The following NKAIN4 variants were observed in gnomAD, a reference collection of about 807,000 sequenced individuals.
The protein encoded by NKAIN4 is sodium/potassium transporting ATPase interacting 4.
A neutral mutation model predicts 28.8 loss-of-function variants in NKAIN4; 28 were observed. The observed-to-expected ratio is 0.97, with a 90% CI of 0.72 to 1.33. The LOEUF (loss-of-function observed/expected upper bound fraction) is 1.33. Among genes scored for constraint, NKAIN4 ranks in the 40% most tolerant of loss-of-function variants. The pLI, the probability that NKAIN4 is intolerant of heterozygous loss-of-function variation, is 0.00. For synonymous variants in NKAIN4, 122 were observed against 115.6 expected, an observed-to-expected ratio of 1.06 and a Z score of -0.36; for missense variants, 289 against 277.2, an observed-to-expected ratio of 1.04 and a Z score of -0.30.
chr20:63,241,977 GC>G (rs1157823181), intron 6 of NKAIN4, among the ~76,000 whole-genome samples: 3 of 152,254 alleles, frequency 2.0e-5, no homozygotes, highest in Admixed American at 6.5e-5. Context: ...GGCCTGGGCA[GC>G]CCAGGGGCGG....
intron 1 of NKAIN4, among the ~76,000 whole-genome samples, chr20:63,251,121 G>A (rs1415155056): frequency 6.6e-6 from 1 of 152,086 alleles, no homozygotes; most frequent in Non-Finnish European, 1.5e-5. Flanking sequence ...CATGTCCACT[G>A]GCCAGGGGGC....
chr20:63,247,287 C>G (rs2066876569), intron 4 of NKAIN4: 1 of 1,351,328 alleles, frequency 7.4e-7, no homozygotes, highest in Admixed American at 2.8e-5. Flanking sequence ...GGTGTCTCGG[C>G]CTGATCCGAT....
chr20:63,254,513 CGCT>C, upstream of NKAIN4: 1 of 1,170,852 alleles, frequency 8.5e-7, no homozygotes, highest in South Asian at 2.9e-5. Context: ...CCGCTCCGCC[CGCT>C]CCCCACGCGC....
chr20:63,254,144 C>G (rs1289204011), intron 1 of NKAIN4: 4 of 430,678 alleles, frequency 9.3e-6, no homozygotes, highest in Non-Finnish European at 1.7e-5. Flanking sequence ...CCGCACCTGT[C>G]CCCGCCGCTC....
chr20:63,253,358 T>G, intron 1 of NKAIN4: 5 of 985,364 alleles, frequency 5.1e-6, no homozygotes, highest in Non-Finnish European at 4.8e-6. Context: ...AAGGACACGA[T>G]GCCTCCGCCG....
Position 63,241,729 on chromosome 20 carries a change from C to T in NKAIN4, c.618-223G>A, listed in dbSNP as rs1415649322. On this transcript the variant is annotated intron_variant, in intron 6 of 6. Coordinates refer to ENST00000370316, the MANE Select transcript of NKAIN4 (RefSeq NM_152864.4). ...GCGTCTTGTGCCTGTTTGCTGACATCTCAGTGGGGTCTGGCCTGTGGGGCT... is the reference window on the plus strand; with the variant it reads ...GCGTCTTGTGCCTGTTTGCTGACATTTCAGTGGGGTCTGGCCTGTGGGGCT... The T allele has an allele frequency of 1.0e-5, 7 of 687,438 alleles. No individual in the cohort carries two copies. The East Asian group carries it at 2.0e-4, about 20-fold the overall frequency. The allele number at this position is 687,438 out of a possible 1,614,324, so 42.6% of individuals were successfully genotyped here.
chr20:63,242,789 G>GC (rs2066780774), intron 5 of NKAIN4, among the ~76,000 whole-genome samples, 166 bp from the exon 6 acceptor site: 1 of 150,640 alleles, frequency 6.6e-6, no homozygotes, highest in African/African-American at 2.4e-5. Context: ...GGGGGGACGG[G>GC]GGGGGTGGGA....
intron 1 of NKAIN4, chr20:63,254,043 G>A (rs1160091661): frequency 2.3e-5 from 6 of 258,008 alleles, no homozygotes; most frequent in South Asian, 1.6e-4. Context: ...ACCCGGGGGC[G>A]CACCCGGGGC....
chr20:63,253,987 C>T (rs891325241), intron 1 of NKAIN4: 6 of 170,720 alleles, frequency 3.5e-5, no homozygotes, highest in Non-Finnish European at 6.3e-5. Flanking sequence ...ACTCGGCGCC[C>T]GGGGCCGGCT....
intron 6 of NKAIN4, among the ~76,000 whole-genome samples, chr20:63,241,946 G>A (rs569855850): frequency 1.1e-4 from 17 of 152,274 alleles, no homozygotes; most frequent in African/African-American, 3.9e-4. Context: ...ACCCAGGGGC[G>A]TGCCATCAGG....
intron 2 of NKAIN4, 77 bp from the exon 3 acceptor site, chr20:63,248,972 A>C (rs1293289238): frequency 1.0e-6 from 1 of 991,562 alleles, no homozygotes; most frequent in African/African-American, 1.6e-5. Context: ...CCCCGGGGGA[A>C]GGGGTCCCAT....
At chr20:63,247,298 T>C in intron 4 of NKAIN4, 1 of 1,378,504 alleles carries the variant, frequency 7.3e-7, no homozygotes, top group Non-Finnish European at 9.5e-7. Flanking sequence ...CTGATCCGAT[T>C]CCTTCCCACT....
intron 2 of NKAIN4, 123 bp downstream of exon 2, chr20:63,249,812 G>C (rs747406719): frequency 9.8e-7 from 1 of 1,023,880 alleles, no homozygotes; most frequent in Non-Finnish European, 1.4e-6. Flanking sequence ...CCAGGGGTCT[G>C]GGTTGGCATT....
At position 63,241,316 on chromosome 20, in the gene NKAIN4, A is replaced by C; in HGVS notation, c.*181T>G. The C allele has an allele frequency of 1.7e-6, 1 of 599,318 alleles. No homozygotes were observed. The highest frequency in any genetic ancestry group is 2.0e-5 in the South Asian group (1 of 49,804). 37.1% of individuals were successfully genotyped at this position (599,318 alleles called of 1,614,324 possible). ...TACAAACTCTCTTGACGCTGCAGCC[A>C]GCCGTGGCACTGCCCTGCCGCCCTG... On this transcript the variant is annotated 3_prime_UTR_variant, in exon 7 of 7. Coordinates refer to ENST00000370316, the MANE Select transcript of NKAIN4 (RefSeq NM_152864.4).
At chr20:63,243,964 C>T (rs1211325114) in intron 5 of NKAIN4, 60 bp downstream of exon 5, 1 of 1,443,580 alleles carries the variant, frequency 6.9e-7, no homozygotes, top group Non-Finnish European at 9.6e-7. Context: ...GGGACAGACT[C>T]AGAGCTGCCA....
chr20:63,253,500 G>A (rs2066997067), intron 1 of NKAIN4: 2 of 985,442 alleles, frequency 2.0e-6, no homozygotes, highest in Non-Finnish European at 2.4e-6. Context: ...AGCTTCAAGA[G>A]GAGGAGGGGG....
chr20:63,244,148 C>T (rs994591560), intron 4 of NKAIN4, 64 bp from the exon 5 acceptor site: 49 of 1,436,532 alleles, frequency 3.4e-5, no homozygotes, highest in Middle Eastern at 3.7e-4. Flanking sequence ...GTCATTGAGG[C>T]GATGTGGGCC....
At chr20:63,247,192 C>T (rs981257772) in intron 4 of NKAIN4, 41 of 1,149,148 alleles carry the variant, frequency 3.6e-5, no homozygotes, top group African/African-American at 1.6e-4. Flanking sequence ...TCGGGGCAGC[C>T]GAGGGAACAG....
intron 4 of NKAIN4, chr20:63,244,629 C>T: frequency 4.5e-6 from 2 of 446,692 alleles, no homozygotes; most frequent in South Asian, 1.6e-5. Context: ...TGGGGGCTGG[C>T]TGCTGCCTTT....
Sources: gnomAD v4.1 joint callset for allele counts (sites outside exome capture counted in the v4.1 genomes callset) on GRCh38, gnomAD v4.1.1 for gene constraint, MANE v1.5 for transcripts, NCBI Gene and HGNC (gene_info 2026-07-23, HGNC 2026-07-21) for gene names.